Variants in RXRA observed in about 807,000 individuals in gnomAD.
The protein encoded by RXRA is retinoic acid receptor RXR-alpha.
A neutral mutation model predicts 44.5 loss-of-function variants in RXRA; 5 were observed. The observed-to-expected ratio is 0.11, with a 90% CI of 0.06 to 0.24. The LOEUF (loss-of-function observed/expected upper bound fraction) is 0.24, where lower values mean the gene tolerates loss of function less well. Among genes scored for constraint, RXRA ranks in the 10% least tolerant of loss-of-function variants. The pLI is 1.00. For missense variants in RXRA, 412 were observed against 646.5 expected, an observed-to-expected ratio of 0.64 and a Z score of 3.93; for synonymous variants, 291 against 271.4, an observed-to-expected ratio of 1.07 and a Z score of -0.71.
In RXRA at chr9:134,409,075, A is replaced by C. The variant is rs1377074967; in HGVS notation, c.566A>C (p.Tyr189Ser). The change falls in exon 4 of 10, where the codon TAC becomes TCC. Residue 189 changes from tyrosine (Y) to serine (S), a missense_variant. This residue lies in a region of RXRA where 48 missense variants were observed against 119.9 expected (regional missense o/e 0.40). Transcript: ENST00000481739. Reference protein sequence around the residue: ...IDKRQRNRCQYCRYQKCLAMG... With the variant: ...IDKRQRNRCQSCRYQKCLAMG... ...AAGCGGCAGCGGAACCGGTGCCAGT[A>C]CTGCCGCTACCAGAAGTGCCTGGCC... is the stretch of plus-strand genomic sequence containing the variant. The C allele has an allele frequency of 6.2e-7, 1 of 1,607,938 alleles. No individual in the cohort carries two copies. The highest frequency in any genetic ancestry group is 8.5e-7 in the Non-Finnish European group (1 of 1,177,258).
Position 134,347,664 on chromosome 9 carries a change from G to A in RXRA, c.28+21005G>A, listed in dbSNP as rs140875080. Among the ~76,000 whole-genome samples, 970 of 152,332 alleles carry A rather than the reference G, an allele frequency of 6.4e-3. 10 individuals are homozygous for A. Among genetic ancestry groups the A allele is most frequent in the African/African-American group, 0.022 (929 of 41,562 alleles). ...GCCCTCCAGGGGGATGCTGCGGGTG[G>A]GCTTGTGCATGGGAAGGAGCAGCCG... On this transcript the variant is annotated intron_variant, in intron 1 of 9. Coordinates refer to ENST00000481739, the MANE Select transcript of RXRA (RefSeq NM_002957.6).
chr9:134,375,853 A>G (rs917343685), intron 1 of RXRA, among the ~76,000 whole-genome samples: 2 of 150,270 alleles, frequency 1.3e-5, no homozygotes, highest in South Asian at 2.1e-4. Flanking sequence ...TCTGTAAAAC[A>G]CTCCCCCAAA....
rs151214996 is a variant in RXRA, at chr9:134,412,841, G to C, written c.610+3722G>C. Among the ~76,000 whole-genome samples the C allele has an allele frequency of 3.1e-3, 475 of 152,302 alleles. 1 individual carries two copies. Among genetic ancestry groups the C allele is most frequent in the Non-Finnish European group, 5.1e-3 (346 of 68,018 alleles). ...CGTCGGGGGAGACATTGGTCTAGAG[G>C]GGGCAGTGGCTGTCCCCCATTCTGC... On this transcript the variant is annotated intron_variant, in intron 4 of 9. Coordinates refer to ENST00000481739, the MANE Select transcript of RXRA (RefSeq NM_002957.6).
chr9:134,379,117 GCTC>G (rs1408435968), intron 1 of RXRA, among the ~76,000 whole-genome samples: 1 of 152,188 alleles, frequency 6.6e-6, no homozygotes. Flanking sequence ...GGGCCACCCG[GCTC>G]CTCCAGCCTT....
At chr9:134,367,018 G>A (rs927100308) in intron 1 of RXRA, among the ~76,000 whole-genome samples, 2 of 152,132 alleles carry the variant, frequency 1.3e-5, no homozygotes, top group African/African-American at 2.4e-5. Flanking sequence ...CTTATTATCC[G>A]ATTGGTTAAT....
At chr9:134,400,306 G>A (rs7038973) in intron 1 of RXRA, among the ~76,000 whole-genome samples, 20,269 of 152,160 alleles carry the variant, frequency 0.13, 4,436 homozygotes, top group African/African-American at 0.46. Flanking sequence ...TCTTCCTGGG[G>A]CTGGGGAGGG....
At chr9:134,390,404 A>C (rs1000715806) in intron 1 of RXRA, among the ~76,000 whole-genome samples, 2 of 152,156 alleles carry the variant, frequency 1.3e-5, no homozygotes, top group African/African-American at 4.8e-5. Context: ...CCAAAGTCCA[A>C]AGCCCCCAGT....
intron 1 of RXRA, among the ~76,000 whole-genome samples, chr9:134,364,313 C>T (rs990547852): frequency 3.3e-5 from 5 of 152,236 alleles, no homozygotes; most frequent in Admixed American, 6.5e-5. Flanking sequence ...GGCACCAGGG[C>T]ACTGGTGGCT....
intron 6 of RXRA, chr9:134,424,391 C>G (rs1831400390): frequency 2.0e-6 from 2 of 985,274 alleles, no homozygotes; most frequent in Non-Finnish European, 1.2e-6. Flanking sequence ...AGTGGGACTC[C>G]CAGCCTGACC....
At chr9:134,332,536 G>A (rs1835021404) in intron 1 of RXRA, among the ~76,000 whole-genome samples, 2 of 152,042 alleles carry the variant, frequency 1.3e-5, no homozygotes, top group African/African-American at 4.8e-5. Flanking sequence ...GGTGGGGGAG[G>A]GGTGCCCAGA....
intron 1 of RXRA, among the ~76,000 whole-genome samples, chr9:134,377,866 G>T (rs1301332863): frequency 6.6e-6 from 1 of 152,218 alleles, no homozygotes; most frequent in Non-Finnish European, 1.5e-5. Flanking sequence ...CAGTATGGGG[G>T]ACGTTGCGTG....
chr9:134,369,130 T>TG (rs1554751319), intron 1 of RXRA, among the ~76,000 whole-genome samples: 3 of 21,912 alleles, frequency 1.4e-4, no homozygotes, highest in Non-Finnish European at 2.4e-4. Flanking sequence ...AGTGCAGGGG[T>TG]TGTGTGTGGG....
At chr9:134,404,078 T>C (rs1214863367) in intron 2 of RXRA, 1 of 152,222 alleles carries the variant, frequency 6.6e-6, no homozygotes, top group African/African-American at 2.4e-5. Context: ...CTCACATTCA[T>C]GGGAGTGTGA....
At chr9:134,351,239 A>T (rs937284281) in intron 1 of RXRA, among the ~76,000 whole-genome samples, 17 of 152,206 alleles carry the variant, frequency 1.1e-4, no homozygotes, top group African/African-American at 4.1e-4. Context: ...CCGGCGGGAA[A>T]TCACAGGAGG....
chr9:134,380,499 C>G (rs1333416921), intron 1 of RXRA, among the ~76,000 whole-genome samples: 1 of 152,078 alleles, frequency 6.6e-6, no homozygotes, highest in Non-Finnish European at 1.5e-5. Context: ...GGGCGGCCCC[C>G]CCTGGGAGGA....
intron 6 of RXRA, chr9:134,423,321 G>C: frequency 1.0e-6 from 1 of 985,464 alleles, no homozygotes; most frequent in Non-Finnish European, 1.2e-6. Flanking sequence ...CTTAGGGCCG[G>C]GTGTCCCAGC....
At chr9:134,381,058 A>G in intron 1 of RXRA, among the ~76,000 whole-genome samples, 1 of 152,076 alleles carries the variant, frequency 6.6e-6, no homozygotes, top group South Asian at 2.1e-4. Flanking sequence ...CAGCTCTGTG[A>G]CCCGGACAAG....
At chr9:134,391,337 G>A (rs1830796554) in intron 1 of RXRA, among the ~76,000 whole-genome samples, 1 of 152,216 alleles carries the variant, frequency 6.6e-6, no homozygotes, top group South Asian at 2.1e-4. Context: ...GCCGCCCTGA[G>A]GGTGGAAAGC....
intron 1 of RXRA, among the ~76,000 whole-genome samples, chr9:134,335,982 C>T (rs1829995552): frequency 1.3e-5 from 2 of 152,218 alleles, no homozygotes; most frequent in Non-Finnish European, 2.9e-5. Context: ...CTCTCCCCAC[C>T]CGGAGGGAGG....
Sources: allele counts gnomAD v4.1 joint callset (sites outside exome capture counted in the v4.1 genomes callset), GRCh38; gene constraint gnomAD v4.1.1; regional missense constraint gnomAD v4.1.1; transcripts MANE v1.5; gene names NCBI Gene and HGNC (gene_info 2026-07-23, HGNC 2026-07-21).